Variants in DRC2 observed in about 807,000 individuals in gnomAD.
The protein encoded by DRC2 is dynein regulatory complex subunit 2, also known as coiled-coil domain containing 65.
chr12:48,917,745 A>C, the DRC2 span, among the ~76,000 whole-genome samples: 49,560 of 152,092 alleles, frequency 0.33, 9,110 homozygotes, highest in Admixed American at 0.47. Flanking sequence ...TGCCAAAGTC[A>C]TGCTGCTGGT....
chr12:48,920,334 G>T, the DRC2 span, among the ~76,000 whole-genome samples: 298 of 148,540 alleles, frequency 2.0e-3, no homozygotes, highest in African/African-American at 6.8e-3. Context: ...CCAGCTACTC[G>T]GGAAGCTGAG....
At chr12:48,914,055 G>T in the DRC2 span, among the ~76,000 whole-genome samples, 2 of 146,490 alleles carry the variant, frequency 1.4e-5, no homozygotes, top group African/African-American at 2.7e-5. Flanking sequence ...CAGGCCTTGT[G>T]AGTAGCTGGG....
the DRC2 span, among the ~76,000 whole-genome samples, chr12:48,905,326 A>C: frequency 1.3e-5 from 2 of 152,216 alleles, no homozygotes; most frequent in Non-Finnish European, 2.9e-5. Flanking sequence ...TCTATTGCCC[A>C]AAACCAGTAC....
At chr12:48,904,958 A>G in the DRC2 span, 1 of 1,604,140 alleles carries the variant, frequency 6.2e-7, no homozygotes, top group East Asian at 2.2e-5. Context: ...CAAGCTGGCC[A>G]AGGAGGAACA....
the DRC2 span, among the ~76,000 whole-genome samples, chr12:48,908,231 T>G: frequency 6.6e-6 from 1 of 152,134 alleles, no homozygotes; most frequent in East Asian, 1.9e-4. Context: ...TTTTAAATTT[T>G]TTATAGAGAT....
chr12:48,918,847 A>C, the DRC2 span: 2 of 1,614,178 alleles, frequency 1.2e-6, no homozygotes, highest in Non-Finnish European at 1.7e-6. Context: ...GAACTTAGTC[A>C]GACTCACCCT....
the DRC2 span, chr12:48,914,455 C>A: frequency 1.2e-6 from 2 of 1,614,106 alleles, no homozygotes; most frequent in Non-Finnish European, 1.7e-6. Context: ...CCATGCCCTG[C>A]GCAGCCACTT....
chr12:48,906,857 C>T, the DRC2 span, among the ~76,000 whole-genome samples: 15 of 151,886 alleles, frequency 9.9e-5, no homozygotes, highest in East Asian at 3.9e-4. Context: ...TTAGCCACCG[C>T]GCCCAGCCCA....
chr12:48,905,996 C>T, the DRC2 span, among the ~76,000 whole-genome samples: 1 of 152,130 alleles, frequency 6.6e-6, no homozygotes, highest in African/African-American at 2.4e-5. Flanking sequence ...TGGTCTCGAT[C>T]TCCTGACCTT....
At chr12:48,916,927 T>C in the DRC2 span, 1 of 1,595,270 alleles carries the variant, frequency 6.3e-7, no homozygotes, top group African/African-American at 1.3e-5. Context: ...TTGGTCAATA[T>C]CCTGTATCCC....
At chr12:48,908,861 A>G in the DRC2 span, among the ~76,000 whole-genome samples, 1 of 151,602 alleles carries the variant, frequency 6.6e-6, no homozygotes, top group Non-Finnish European at 1.5e-5. Context: ...TCGGCCTCCT[A>G]AAGTGCTGGG....
At chr12:48,920,441 TAAAAAAAAAAA>T in the DRC2 span, among the ~76,000 whole-genome samples, 33 of 67,808 alleles carry the variant, frequency 4.9e-4, 1 homozygote, top group East Asian at 1.4e-3. Context: ...AACTCCATCT[TAAAAAAAAAAA>T]AAAAAAAAAA....
the DRC2 span, chr12:48,920,893 C>T: frequency 6.3e-7 from 1 of 1,577,908 alleles, no homozygotes; most frequent in Non-Finnish European, 8.6e-7. Flanking sequence ...CTCTTCACTC[C>T]CTTTCCTAAT....
the DRC2 span, among the ~76,000 whole-genome samples, chr12:48,911,387 T>C: frequency 2.6e-5 from 4 of 151,654 alleles, no homozygotes; most frequent in Non-Finnish European, 5.9e-5. Context: ...GGCAAAAACC[T>C]GTCTACAAAA....
At chr12:48,918,727 C>T in the DRC2 span, 7 of 1,613,840 alleles carry the variant, frequency 4.3e-6, no homozygotes, top group East Asian at 4.5e-5. Flanking sequence ...GATACACAGC[C>T]GTGAGAGTGA....
the DRC2 span, among the ~76,000 whole-genome samples, chr12:48,907,835 T>G: frequency 3.9e-5 from 6 of 152,208 alleles, no homozygotes; most frequent in Non-Finnish European, 8.8e-5. Flanking sequence ...TCCAGTGAGT[T>G]TATCTTCCTC....
At chr12:48,915,114 C>CTTTTTTTTTTTT in the DRC2 span, among the ~76,000 whole-genome samples, 4 of 133,924 alleles carry the variant, frequency 3.0e-5, no homozygotes, top group Non-Finnish European at 3.1e-5. Flanking sequence ...CACTTTCTTT[C>CTTTTTTTTTTTT]TTTTTTTTTT....
At chr12:48,906,971 T>G in the DRC2 span, among the ~76,000 whole-genome samples, 1 of 151,656 alleles carries the variant, frequency 6.6e-6, no homozygotes, top group African/African-American at 2.4e-5. Context: ...ATCCCAGCAC[T>G]TTGGGAGGCT....
chr12:48,916,884 AC>A, the DRC2 span: 1 of 1,320,776 alleles, frequency 7.6e-7, no homozygotes, highest in East Asian at 2.3e-5. Flanking sequence ...TGTACCATTC[AC>A]ATAGATTACA....
Sources: gnomAD v4.1 joint callset for allele counts (sites outside exome capture counted in the v4.1 genomes callset) on GRCh38, gnomAD v4.1.1 for gene constraint, MANE v1.5 for transcripts, NCBI Gene and HGNC (gene_info 2026-07-23, HGNC 2026-07-21) for gene names.